Variants in UHRF2 observed in about 807,000 individuals in gnomAD.
UHRF2 encodes the protein E3 ubiquitin-protein ligase UHRF2.
In UHRF2, 23 loss-of-function variants were observed where a neutral mutation model predicts 96.8. The observed-to-expected ratio is 0.24, with a 90% CI of 0.17 to 0.34. The LOEUF (loss-of-function observed/expected upper bound fraction) is 0.34. Ranked by LOEUF, UHRF2 falls within the 10% of genes least tolerant of loss-of-function variation. The pLI, the probability that UHRF2 is intolerant of heterozygous loss-of-function variation, is 1.00. For synonymous variants in UHRF2, 385 were observed against 332.6 expected (o/e 1.16, Z -1.72); for missense variants, 685 against 981.5 (o/e 0.70, Z 4.04).
At chr9:6,465,884 T>C (rs1822830165) in intron 4 of UHRF2, among the ~76,000 whole-genome samples, 1 of 152,240 alleles carries the variant, frequency 6.6e-6, no homozygotes, top group South Asian at 2.1e-4. Flanking sequence ...AACTGTCTAA[T>C]TCTAGTTATC....
intron 9 of UHRF2, among the ~76,000 whole-genome samples, chr9:6,488,676 G>C (rs565995499): frequency 6.8e-6 from 1 of 148,130 alleles, no homozygotes; most frequent in South Asian, 2.1e-4. Flanking sequence ...TAATTTTTGT[G>C]TTTTTACTAG....
At chr9:6,438,397 A>C (rs1820974859) in intron 3 of UHRF2, among the ~76,000 whole-genome samples, 1 of 152,248 alleles carries the variant, frequency 6.6e-6, no homozygotes, top group African/African-American at 2.4e-5. Context: ...CCTCTAAGCC[A>C]GTGTCTCTCA....
chr9:6,451,800 T>TTGTTGTTGTTGTTG (rs1244625500), intron 3 of UHRF2, among the ~76,000 whole-genome samples: 13 of 21,628 alleles, frequency 6.0e-4, no homozygotes, highest in Non-Finnish European at 1.3e-3. Flanking sequence ...TGTTGTTGTT[T>TTGTTGTTGTTGTTG]TTGAGACAGA....
At chr9:6,441,749 T>C (rs1027711891) in intron 3 of UHRF2, among the ~76,000 whole-genome samples, 1 of 151,880 alleles carries the variant, frequency 6.6e-6, no homozygotes, top group Non-Finnish European at 1.5e-5. Flanking sequence ...TTTTTTTCCA[T>C]TTTATTTCCT....
chr9:6,426,131 C>G (rs1820248737), intron 2 of UHRF2, among the ~76,000 whole-genome samples: 1 of 152,216 alleles, frequency 6.6e-6, no homozygotes, highest in Non-Finnish European at 1.5e-5. Context: ...CTCCACTATT[C>G]CTTCCTCTTC....
intron 3 of UHRF2, among the ~76,000 whole-genome samples, chr9:6,447,883 T>C (rs1010002559): frequency 2.0e-5 from 3 of 152,188 alleles, no homozygotes; most frequent in African/African-American, 7.2e-5. Flanking sequence ...GGCTCAGGCC[T>C]TGAATTCACT....
rs116208087 is a variant in UHRF2 at position 6,428,228 on chromosome 9, G to A, written c.385-5686G>A. 4.8e-3 allele frequency among the ~76,000 whole-genome samples: 727 copies of A among 152,136 alleles called. 5 individuals carry two copies. The highest frequency in any genetic ancestry group is 0.017 in the African/African-American group (699 of 41,518). Reference sequence around the variant, plus strand: ...ACAGTTCTTGATGTTTAACCTTTTTGATTATGAAATGTATTAGACAATACA... The same window carrying A: ...ACAGTTCTTGATGTTTAACCTTTTTAATTATGAAATGTATTAGACAATACA... On this transcript the variant is annotated intron_variant, in intron 2 of 15. Transcript: ENST00000276893.
intron 3 of UHRF2, 47 bp from the exon 4 acceptor site, chr9:6,460,526 T>C (rs780127877): frequency 1.7e-5 from 26 of 1,494,666 alleles, no homozygotes; most frequent in African/African-American, 5.6e-5. Context: ...CATAAAACTT[T>C]AGTTGTCTTT....
chr9:6,428,662 G>T (rs1330427601), intron 2 of UHRF2, among the ~76,000 whole-genome samples: 1 of 146,736 alleles, frequency 6.8e-6, no homozygotes, highest in Non-Finnish European at 1.5e-5. Flanking sequence ...CGATCCTGCT[G>T]CCTCAGCTTC....
chr9:6,477,520 C>T, intron 5 of UHRF2, 102 bp from the exon 6 acceptor site: 9 of 1,156,714 alleles, frequency 7.8e-6, no homozygotes, highest in Non-Finnish European at 9.6e-6. Flanking sequence ...GAGCAAAACT[C>T]CATTTCAAAA....
intron 15 of UHRF2, among the ~76,000 whole-genome samples, 178 bp downstream of exon 15, chr9:6,504,869 A>C (rs1047836848): frequency 6.6e-6 from 1 of 152,180 alleles, no homozygotes; most frequent in African/African-American, 2.4e-5. Flanking sequence ...AGATAGTGAT[A>C]ATAATTCAAA....
intron 2 of UHRF2, among the ~76,000 whole-genome samples, chr9:6,430,243 C>T (rs1215111179): frequency 6.6e-6 from 1 of 152,210 alleles, no homozygotes; most frequent in Non-Finnish European, 1.5e-5. Flanking sequence ...CTCCTGACCT[C>T]AGGTGATCCA....
chr9:6,426,582 C>T (rs1010590418), intron 2 of UHRF2, among the ~76,000 whole-genome samples: 2 of 152,082 alleles, frequency 1.3e-5, no homozygotes, highest in African/African-American at 4.8e-5. Flanking sequence ...TTATATTTTT[C>T]AGATAGAAGT....
chr9:6,446,834 G>A (rs1206320003), intron 3 of UHRF2, among the ~76,000 whole-genome samples: 1 of 151,774 alleles, frequency 6.6e-6, no homozygotes. Flanking sequence ...GACAGAGTGA[G>A]ACTCTGTCTC....
At position 6,420,030 on chromosome 9, in the gene UHRF2, T is replaced by C. The variant is rs184538176; in HGVS notation, c.154-882T>C. 3.7e-3 allele frequency among the ~76,000 whole-genome samples: 565 copies of C among 151,792 alleles called. 8 individuals are homozygous for C. Among genetic ancestry groups the C allele is most frequent in the African/African-American group, 0.013 (551 of 41,450 alleles). On this transcript the variant is annotated intron_variant, in intron 1 of 15. Coordinates refer to ENST00000276893, the MANE Select transcript of UHRF2 (RefSeq NM_152896.3). Reference sequence around the variant, plus strand: ...TCCCAAAATGTTGGGATTACAGATGTGAGGCCCGGAGCCCAGCCTCCCCCG... The same window carrying C: ...TCCCAAAATGTTGGGATTACAGATGCGAGGCCCGGAGCCCAGCCTCCCCCG...
rs748421705 is a variant in UHRF2, at chr9:6,499,851, C to T, written c.1925C>T (p.Pro642Leu). The T allele has an allele frequency of 6.2e-7, 1 of 1,601,242 alleles. No individual in the cohort carries two copies. Among genetic ancestry groups the T allele is most frequent in the Admixed American group, 1.7e-5 (1 of 59,486 alleles). The change falls in exon 13 of 16, where the codon CCT (proline) becomes CTT (leucine). Residue 642 changes from proline to leucine, a missense_variant. Physicochemically the swap from Pro to Leu is moderately conservative, Grantham distance 98. Around this residue, in one of 6 missense-constraint regions of UHRF2, gnomAD observed 99 missense variants for 73.5 expected, o/e 1.35. Transcript: ENST00000276893. ...CLRLQYPAGY[P>L]SDKEGKKPKG... ...CCCCATCAGTATCCAGCAGGTTACC[C>T]TTCAGATAAAGAAGGGAAGAAGCCT...
At chr9:6,471,445 T>C (rs1823234170) in intron 4 of UHRF2, among the ~76,000 whole-genome samples, 1 of 152,158 alleles carries the variant, frequency 6.6e-6, no homozygotes, top group South Asian at 2.1e-4. Context: ...GGGTGGCTCT[T>C]TGTGACCAAT....
At chr9:6,467,472 C>G (rs953434935) in intron 4 of UHRF2, among the ~76,000 whole-genome samples, 9 of 152,122 alleles carry the variant, frequency 5.9e-5, no homozygotes, top group African/African-American at 2.2e-4. Flanking sequence ...CATTGTTCTG[C>G]CTGTCATACC....
intron 2 of UHRF2, among the ~76,000 whole-genome samples, chr9:6,430,211 T>C (rs950274137): frequency 1.3e-5 from 2 of 152,172 alleles, no homozygotes; most frequent in Non-Finnish European, 2.9e-5. Flanking sequence ...GGTTTCGCCA[T>C]GTTTGCCGGG....
Sources: gnomAD v4.1 joint callset for allele counts (sites outside exome capture counted in the v4.1 genomes callset) on GRCh38, gnomAD v4.1.1 for gene constraint, gnomAD v4.1.1 regional missense constraint, MANE v1.5 for transcripts, NCBI Gene and HGNC (gene_info 2026-07-23, HGNC 2026-07-21) for gene names.